The following PCCA variants were observed in gnomAD, a reference collection of about 807,000 sequenced individuals.
The protein encoded by PCCA is propionyl-CoA carboxylase alpha chain, mitochondrial.
In PCCA, 74 loss-of-function variants were observed where a neutral mutation model predicts 101.3. The ratio of observed to expected loss-of-function variants is 0.73; its 90% confidence interval spans 0.61 to 0.89. The LOEUF is 0.89. Ranked by LOEUF, PCCA falls within the 40% of genes least tolerant of loss-of-function variation. PCCA has a pLI of 0.00. For synonymous variants in PCCA, 294 were observed against 313.6 expected (o/e 0.94, Z 0.66); for missense variants, 891 against 907.0 (o/e 0.98, Z 0.23).
intron 21 of PCCA, among the ~76,000 whole-genome samples, chr13:100,486,594 T>G (rs186180688): frequency 1.3e-5 from 2 of 152,198 alleles, no homozygotes; most frequent in Admixed American, 1.3e-4. Context: ...AAATGGCCCG[T>G]GTAGGATATT....
intron 6 of PCCA, among the ~76,000 whole-genome samples, chr13:100,203,054 C>T (rs190003931): frequency 8.9e-4 from 136 of 152,066 alleles, no homozygotes; most frequent in African/African-American, 3.1e-3. Flanking sequence ...AGGCGGATCA[C>T]GAGATCAGGA....
chr13:100,261,714 C>T (rs917540868), intron 9 of PCCA, among the ~76,000 whole-genome samples: 1 of 151,928 alleles, frequency 6.6e-6, no homozygotes, highest in Non-Finnish European at 1.5e-5. Flanking sequence ...AGTTTGTAAA[C>T]AAAATATATA....
At chr13:100,422,851 CTT>C (rs1393396332) in intron 19 of PCCA, among the ~76,000 whole-genome samples, 6 of 148,812 alleles carry the variant, frequency 4.0e-5, no homozygotes, top group Non-Finnish European at 8.9e-5. Context: ...CTTTGTTTTT[CTT>C]CTTTGAGCTC....
chr13:100,198,036 T>C (rs1424711288), intron 6 of PCCA, among the ~76,000 whole-genome samples: 3 of 152,186 alleles, frequency 2.0e-5, no homozygotes, highest in Non-Finnish European at 4.4e-5. Context: ...TACAGCACAG[T>C]GTACAGCTCC....
intron 2 of PCCA, among the ~76,000 whole-genome samples, chr13:100,110,516 C>T (rs1466251262): frequency 1.3e-5 from 2 of 152,132 alleles, no homozygotes; most frequent in East Asian, 1.9e-4. Flanking sequence ...ACACAGGATA[C>T]ACAACTTCTC....
intron 21 of PCCA, among the ~76,000 whole-genome samples, chr13:100,504,237 G>C (rs549168599): frequency 1.3e-5 from 2 of 152,302 alleles, no homozygotes; most frequent in South Asian, 4.1e-4. Flanking sequence ...CTTCTGCCAT[G>C]AGAAATTAGC....
intron 19 of PCCA, among the ~76,000 whole-genome samples, chr13:100,370,740 G>C (rs539846680): frequency 6.6e-6 from 1 of 152,144 alleles, no homozygotes; most frequent in Non-Finnish European, 1.5e-5. Flanking sequence ...GTTGAACAGC[G>C]TGGCGAAGTA....
At chr13:100,265,283 T>C (rs1295912800) in intron 10 of PCCA, among the ~76,000 whole-genome samples, 1 of 152,194 alleles carries the variant, frequency 6.6e-6, no homozygotes, top group East Asian at 1.9e-4. Context: ...CCTTTACTTA[T>C]TATTATTTTG....
intron 21 of PCCA, among the ~76,000 whole-genome samples, chr13:100,504,665 C>T (rs1319910386): frequency 1.3e-5 from 2 of 152,074 alleles, no homozygotes; most frequent in African/African-American, 2.4e-5. Flanking sequence ...GGCCGGGCAC[C>T]GTGGCTCACA....
Position 100,410,397 on chromosome 13 carries a change from G to A in PCCA, c.1747-15236G>A, listed in dbSNP as rs1595795165. Among the ~76,000 whole-genome samples the A allele has an allele frequency of 2.0e-5, 3 of 151,832 alleles. No homozygotes were observed. The South Asian group carries it at 6.2e-4, about 32-fold the overall frequency. The stretch of plus-strand genomic sequence containing the variant: ...AGCTGCGACTACAGGTACATGCCGT[G>A]ATGCCCAGCTAATTTTTGTATTTTT... On this transcript the variant is annotated intron_variant, in intron 19 of 23. Transcript: ENST00000376285.
intron 20 of PCCA, among the ~76,000 whole-genome samples, chr13:100,431,638 G>A (rs1018131637): frequency 1.3e-5 from 2 of 152,088 alleles, no homozygotes; most frequent in Non-Finnish European, 1.5e-5. Context: ...AGGCCGAGGT[G>A]GGTGGATCAC....
chr13:100,512,139 G>A (rs896949579), intron 21 of PCCA, among the ~76,000 whole-genome samples: 3 of 152,212 alleles, frequency 2.0e-5, no homozygotes, highest in African/African-American at 7.2e-5. Flanking sequence ...GTCCACGGAA[G>A]AGCTGCGTGT....
At chr13:100,386,727 C>T (rs1363501810) in intron 19 of PCCA, among the ~76,000 whole-genome samples, 2 of 152,084 alleles carry the variant, frequency 1.3e-5, no homozygotes, top group African/African-American at 4.8e-5. Flanking sequence ...CATTCATTGG[C>T]ATAAAAAAGA....
chr13:100,365,213 A>T (rs1292904540), intron 18 of PCCA, among the ~76,000 whole-genome samples: 1 of 152,210 alleles, frequency 6.6e-6, no homozygotes, highest in Non-Finnish European at 1.5e-5. Flanking sequence ...TGCTAGTAGA[A>T]CAGGCTGAGA....
intron 6 of PCCA, among the ~76,000 whole-genome samples, chr13:100,171,523 A>G (rs1485259106): frequency 3.9e-5 from 6 of 152,134 alleles, no homozygotes; most frequent in African/African-American, 1.4e-4. Flanking sequence ...AATTACTTCC[A>G]TGTCAAGTCA....
At chr13:100,487,209 A>G (rs926811342) in intron 21 of PCCA, among the ~76,000 whole-genome samples, 16 of 152,228 alleles carry the variant, frequency 1.1e-4, no homozygotes, top group South Asian at 2.1e-4. Context: ...TGTTACCTGT[A>G]TAATAGAACA....
At chr13:100,373,867 T>G (rs931353867) in intron 19 of PCCA, among the ~76,000 whole-genome samples, 7 of 152,132 alleles carry the variant, frequency 4.6e-5, no homozygotes, top group Non-Finnish European at 8.8e-5. Flanking sequence ...ATCCCAGCAC[T>G]TTGGGATGCT....
chr13:100,107,496 T>A (rs908969141), intron 2 of PCCA, among the ~76,000 whole-genome samples: 2 of 152,010 alleles, frequency 1.3e-5, no homozygotes, highest in African/African-American at 4.8e-5. Flanking sequence ...CATATCAACC[T>A]GGGTAACAGA....
chr13:100,172,461 G>T (rs2055785382), intron 6 of PCCA, among the ~76,000 whole-genome samples: 1 of 151,842 alleles, frequency 6.6e-6, no homozygotes, highest in African/African-American at 2.4e-5. Flanking sequence ...AGACATATTT[G>T]TTAATGATAA....
Sources: allele counts gnomAD v4.1 joint callset (sites outside exome capture counted in the v4.1 genomes callset), GRCh38; gene constraint gnomAD v4.1.1; transcripts MANE v1.5; gene names NCBI Gene and HGNC (gene_info 2026-07-23, HGNC 2026-07-21).